Variants in DPYD observed in about 807,000 individuals in gnomAD.
DPYD encodes dihydropyrimidine dehydrogenase [NADP(+)].
DPYD carries 109 observed loss-of-function variants against 116.2 expected under a neutral mutation model. That is an observed-to-expected ratio of 0.94 (90% confidence interval 0.80 to 1.10). The LOEUF (loss-of-function observed/expected upper bound fraction) is 1.10. Ranked by LOEUF, DPYD falls within the 50% of genes least tolerant of loss-of-function variation. DPYD has a pLI of 0.00. For missense variants in DPYD, 1,302 were observed against 1,254.5 expected (o/e 1.04, Z -0.57); for synonymous variants, 440 against 432.0 (o/e 1.02, Z -0.23).
chr1:97,264,273 C>T (rs551590855), intron 18 of DPYD, among the ~76,000 whole-genome samples: 8 of 142,496 alleles, frequency 5.6e-5, no homozygotes, highest in Admixed American at 1.5e-4. Flanking sequence ...AGCGATCTTC[C>T]TGCCTCACCC....
chr1:97,127,505 TC>T (rs1163336349), intron 20 of DPYD, among the ~76,000 whole-genome samples: 1 of 152,112 alleles, frequency 6.6e-6, no homozygotes, highest in Non-Finnish European at 1.5e-5. Flanking sequence ...ACCCCTCGTA[TC>T]CCATTCCACC....
At chr1:97,629,606 T>C (rs1657131315) in intron 8 of DPYD, among the ~76,000 whole-genome samples, 1 of 152,044 alleles carries the variant, frequency 6.6e-6, no homozygotes, top group Non-Finnish European at 1.5e-5. Context: ...CTCTCACTTC[T>C]TGCAGTTAAC....
intron 5 of DPYD, among the ~76,000 whole-genome samples, chr1:97,701,511 A>G (rs1661597192): frequency 6.6e-6 from 1 of 151,752 alleles, no homozygotes; most frequent in African/African-American, 2.4e-5. Flanking sequence ...CTTGCATTTA[A>G]TAGGTCAAAG....
At chr1:97,783,541 T>C (rs1040663582) in intron 3 of DPYD, among the ~76,000 whole-genome samples, 1 of 151,826 alleles carries the variant, frequency 6.6e-6, no homozygotes, top group African/African-American at 2.4e-5. Context: ...ATTACAGGCA[T>C]CCACCACCAC....
chr1:97,912,143 T>C (rs1673972234), intron 1 of DPYD, among the ~76,000 whole-genome samples: 1 of 152,124 alleles, frequency 6.6e-6, no homozygotes, highest in African/African-American at 2.4e-5. Context: ...ATGGTCCCCT[T>C]TTCCTTTTTT....
intron 8 of DPYD, 28 bp from the exon 9 acceptor site, chr1:97,595,194 T>C: frequency 6.3e-7 from 1 of 1,580,920 alleles, no homozygotes; most frequent in Non-Finnish European, 8.7e-7. Context: ...TAAAATATCA[T>C]TAGCAGGAGG....
At chr1:97,811,909 T>C (rs1668366849) in intron 3 of DPYD, among the ~76,000 whole-genome samples, 1 of 152,004 alleles carries the variant, frequency 6.6e-6, no homozygotes, top group South Asian at 2.1e-4. Context: ...AAGTGATACA[T>C]ACACATTTGA....
chr1:97,411,189 A>ACTCATCCT (rs1312454834), intron 14 of DPYD, among the ~76,000 whole-genome samples: 1 of 151,990 alleles, frequency 6.6e-6, no homozygotes, highest in Non-Finnish European at 1.5e-5. Context: ...CTTCAATAAT[A>ACTCATCCT]CTCATCCTCT....
At chr1:97,664,972 G>A (rs151151489) in intron 8 of DPYD, among the ~76,000 whole-genome samples, 133 of 151,868 alleles carry the variant, frequency 8.8e-4, no homozygotes, top group African/African-American at 3.1e-3. Flanking sequence ...AACACATTTC[G>A]GTCTCTACCA....
intron 8 of DPYD, among the ~76,000 whole-genome samples, chr1:97,661,653 A>G (rs1430900202): frequency 6.6e-6 from 1 of 152,230 alleles, no homozygotes; most frequent in East Asian, 1.9e-4. Flanking sequence ...TACAATAAAT[A>G]TTGAAATTTC....
At chr1:97,506,142 A>T (rs1443459777) in intron 13 of DPYD, among the ~76,000 whole-genome samples, 1 of 152,040 alleles carries the variant, frequency 6.6e-6, no homozygotes, top group Non-Finnish European at 1.5e-5. Flanking sequence ...AATTTTACTA[A>T]AACAGAGTCA....
intron 5 of DPYD, 35 bp downstream of exon 5, chr1:97,721,475 G>A (rs969032026): frequency 6.2e-7 from 1 of 1,608,942 alleles, no homozygotes; most frequent in African/African-American, 1.3e-5. Context: ...CATGGTGATG[G>A]TAGTGGGGGG....
intron 14 of DPYD, among the ~76,000 whole-genome samples, chr1:97,392,731 G>T (rs1162886093): frequency 6.6e-6 from 1 of 152,066 alleles, no homozygotes; most frequent in African/African-American, 2.4e-5. Context: ...TCATTCATAA[G>T]AAGTAACTCC....
chr1:97,301,043 A>C (rs927045369), intron 18 of DPYD, among the ~76,000 whole-genome samples: 2 of 152,078 alleles, frequency 1.3e-5, no homozygotes, highest in African/African-American at 4.8e-5. Context: ...CATACAAGCC[A>C]GTGTCCAATA....
chr1:97,662,894 C>T (rs1467448035), intron 8 of DPYD, among the ~76,000 whole-genome samples: 1 of 152,128 alleles, frequency 6.6e-6, no homozygotes, highest in Non-Finnish European at 1.5e-5. Context: ...TTGGTAGTCA[C>T]ACAGTTTCAC....
In DPYD at chr1:97,624,038, G is replaced by T. The variant is rs138861468; in HGVS notation, c.851-28872C>A. The stretch of plus-strand genomic sequence containing the variant: ...TCTAAAATTGCCAGAAGAAAGGATA[G>T]GAGAAAAGCTACATGACATTGGTCT... On this transcript the variant is annotated intron_variant, in intron 8 of 22. Coordinates refer to ENST00000370192, the MANE Select transcript of DPYD (RefSeq NM_000110.4). Among the ~76,000 whole-genome samples, 264 of 152,124 alleles carry T rather than the reference G, an allele frequency of 1.7e-3. 3 individuals carry two copies. Among genetic ancestry groups the T allele is most frequent in the Middle Eastern group, 3.4e-3 (1 of 294 alleles).
chr1:97,133,514 G>A (rs1345926250), intron 20 of DPYD, among the ~76,000 whole-genome samples: 1 of 151,864 alleles, frequency 6.6e-6, no homozygotes, highest in Non-Finnish European at 1.5e-5. Context: ...ACTTTGGTTT[G>A]TTTTTATATC....
intron 1 of DPYD, among the ~76,000 whole-genome samples, chr1:97,892,414 T>G (rs538702164): frequency 4.0e-4 from 61 of 151,948 alleles, no homozygotes; most frequent in African/African-American, 1.4e-3. Flanking sequence ...GTGATTTAAT[T>G]AATATCTCAG....
At chr1:97,417,090 C>T (rs1261905259) in intron 14 of DPYD, among the ~76,000 whole-genome samples, 5 of 152,134 alleles carry the variant, frequency 3.3e-5, no homozygotes, top group African/African-American at 1.2e-4. Context: ...TTTCCCTAAA[C>T]CCTACAAGAG....
Sources: gnomAD v4.1 joint callset for allele counts (sites outside exome capture counted in the v4.1 genomes callset) on GRCh38, gnomAD v4.1.1 for gene constraint, MANE v1.5 for transcripts, NCBI Gene and HGNC (gene_info 2026-07-23, HGNC 2026-07-21) for gene names.